The following ERBB4 variants were observed in gnomAD, a reference collection of about 807,000 sequenced individuals.
ERBB4 encodes the protein erb-b2 receptor tyrosine kinase 4.
ERBB4 carries 42 observed loss-of-function variants against 158.0 expected under a neutral mutation model. The ratio of observed to expected loss-of-function variants is 0.27; its 90% CI spans 0.21 to 0.34. The LOEUF (loss-of-function observed/expected upper bound fraction) is 0.34, where lower values mean the gene tolerates loss of function less well. Ranked by LOEUF, ERBB4 falls within the 10% of genes least tolerant of loss-of-function variation. ERBB4 has a pLI of 1.00. For synonymous variants in ERBB4, 583 were observed against 558.7 expected, an observed-to-expected ratio of 1.04 and a Z score of -0.61; for missense variants, 1,333 against 1,624.1, an observed-to-expected ratio of 0.82 and a Z score of 3.08.
In ERBB4 at chr2:212,012,453, G is replaced by T. The variant is rs7602633; in HGVS notation, c.235-64837C>A. ...TTTTTTTTTGACGGAGTCTCATTCTGTCACCCAGGCTGGAGTGCGGTGGCG... is the reference window on the plus strand; with the variant it reads ...TTTTTTTTTGACGGAGTCTCATTCTTTCACCCAGGCTGGAGTGCGGTGGCG... On this transcript the variant is annotated intron_variant, in intron 2 of 27. Coordinates refer to ENST00000342788, the MANE Select transcript of ERBB4 (RefSeq NM_005235.3). 6.9e-3 allele frequency among the ~76,000 whole-genome samples: 907 copies of T among 130,838 alleles called. 9 individuals are homozygous for T. Among genetic ancestry groups the T allele is most frequent in the African/African-American group, 0.026 (866 of 33,884 alleles). The allele number at this position is 130,838 out of a possible 152,430, so 85.8% of individuals were successfully genotyped here. A position where few individuals can be genotyped will look rare whatever the true frequency, so the allele number is the denominator to read the frequency against.
chr2:212,377,892 T>G (rs1560159014), intron 1 of ERBB4, among the ~76,000 whole-genome samples: 1 of 151,980 alleles, frequency 6.6e-6, no homozygotes, highest in South Asian at 2.1e-4. Flanking sequence ...CACAAGCACA[T>G]TGTACAGCTG....
At position 211,623,006 on chromosome 2, in the gene ERBB4, T is replaced by A. The variant is rs1236174532; in HGVS notation, c.2202+916A>T. Among the ~76,000 whole-genome samples the A allele has an allele frequency of 1.3e-3, 33 of 25,680 alleles. 1 individual carries two copies. Among genetic ancestry groups the A allele is most frequent in the African/African-American group, 5.5e-3 (18 of 3,300 alleles). The allele number at this position is 25,680 out of a possible 152,430, so 16.8% of individuals were successfully genotyped here. A position where few individuals can be genotyped will look rare whatever the true frequency, so the allele number is the denominator to read the frequency against. On this transcript the variant is annotated intron_variant, in intron 18 of 27. Coordinates refer to ENST00000342788, the MANE Select transcript of ERBB4 (RefSeq NM_005235.3). ...AAAAAAAAAAATATATATATATATATATATATATATATATATATATATATA... is the reference window on the plus strand; with the variant it reads ...AAAAAAAAAAATATATATATATATAAATATATATATATATATATATATATA...
At chr2:212,106,663 T>C (rs945854686) in intron 2 of ERBB4, among the ~76,000 whole-genome samples, 1 of 152,236 alleles carries the variant, frequency 6.6e-6, no homozygotes, top group African/African-American at 2.4e-5. Context: ...CCAGGGCATG[T>C]CAGAGACCTT....
chr2:211,917,196 G>A (rs774574524), intron 3 of ERBB4, among the ~76,000 whole-genome samples: 8 of 152,108 alleles, frequency 5.3e-5, no homozygotes, highest in Non-Finnish European at 1.0e-4. Context: ...CTTCATACAC[G>A]TGTTCTATTT....
rs529137073 is a variant in ERBB4 at position 212,427,432 on chromosome 2, G to A, written c.82+111017C>T. 4.6e-5 allele frequency among the ~76,000 whole-genome samples: 7 copies of A among 152,026 alleles called. No homozygotes were observed. The East Asian group carries it at 5.8e-4, about 13-fold the overall frequency. ...CTTTCTCTACTGTATATTCTGCCTC[G>A]AACCTATTCTTACAGCACCTTCAAA... On this transcript the variant is annotated intron_variant, in intron 1 of 27. Transcript: ENST00000342788.
At chr2:212,037,934 A>C (rs1031056684) in intron 2 of ERBB4, among the ~76,000 whole-genome samples, 1 of 152,196 alleles carries the variant, frequency 6.6e-6, no homozygotes, top group Non-Finnish European at 1.5e-5. Flanking sequence ...AATGATTCTT[A>C]GAATCTCAGG....
intron 2 of ERBB4, among the ~76,000 whole-genome samples, chr2:212,006,108 A>G (rs2125294659): frequency 6.6e-6 from 1 of 152,332 alleles, no homozygotes; most frequent in East Asian, 1.9e-4. Context: ...AAAAATGTTC[A>G]CCTAACCAAT....
intron 3 of ERBB4, among the ~76,000 whole-genome samples, chr2:211,922,836 G>A (rs1163728653): frequency 6.6e-6 from 1 of 152,018 alleles, no homozygotes; most frequent in Middle Eastern, 3.2e-3. Context: ...AAAGTTAGTA[G>A]GAAAGTATTT....
intron 25 of ERBB4, among the ~76,000 whole-genome samples, chr2:211,417,893 T>G (rs2063428184): frequency 6.6e-6 from 1 of 152,144 alleles, no homozygotes; most frequent in African/African-American, 2.4e-5. Flanking sequence ...ATTCTAAAAG[T>G]AGAGTAATAA....
At chr2:211,562,835 G>A (rs1382885870) in intron 19 of ERBB4, among the ~76,000 whole-genome samples, 1 of 144,786 alleles carries the variant, frequency 6.9e-6, no homozygotes, top group Non-Finnish European at 1.5e-5. Flanking sequence ...GCAGTGGCGG[G>A]ATCTCGGCTC....
chr2:211,954,865 GA>G (rs1559179014), intron 2 of ERBB4, among the ~76,000 whole-genome samples: 1 of 152,026 alleles, frequency 6.6e-6, no homozygotes, highest in South Asian at 2.1e-4. Flanking sequence ...GACATAGCAT[GA>G]AAAAGTTTAC....
intron 1 of ERBB4, among the ~76,000 whole-genome samples, chr2:212,144,524 C>T (rs184780804): frequency 1.2e-3 from 183 of 152,238 alleles, no homozygotes; most frequent in Middle Eastern, 3.4e-3. Context: ...AATTAATATC[C>T]ACCATTATCC....
intron 1 of ERBB4, among the ~76,000 whole-genome samples, chr2:212,248,675 T>C (rs1459294364): frequency 2.0e-5 from 3 of 152,088 alleles, no homozygotes; most frequent in Non-Finnish European, 4.4e-5. Context: ...AAGTAAGATA[T>C]ATGTAGAAAG....
At position 211,437,814 on chromosome 2, in the gene ERBB4, C is replaced by T. The variant is rs77875014; in HGVS notation, c.2488-6714G>A. 5.0e-3 allele frequency among the ~76,000 whole-genome samples: 759 copies of T among 152,132 alleles called. 10 individuals carry two copies. The highest frequency in any genetic ancestry group is 0.017 in the African/African-American group (721 of 41,484). ...CGTAATAACAGGAAGCTTCAGGAAA[C>T]CTAATTTCAAATGAAAATATCTCCT... On this transcript the variant is annotated intron_variant, in intron 20 of 27. Transcript: ENST00000342788.
intron 3 of ERBB4, among the ~76,000 whole-genome samples, chr2:211,865,065 T>G (rs1279725841): frequency 6.6e-6 from 1 of 152,060 alleles, no homozygotes; most frequent in Admixed American, 6.6e-5. Flanking sequence ...GAAGTGGTCC[T>G]TCATAAAAGG....
rs1484424078 is a variant in ERBB4, at chr2:212,156,227, G to C, written c.83-31324C>G. On this transcript the variant is annotated intron_variant, in intron 1 of 27. Coordinates refer to ENST00000342788, the MANE Select transcript of ERBB4 (RefSeq NM_005235.3). ...CATATATGTGGGAGCGTAAAGAAAA[G>C]TGGCTTATAAAATTCCAATGTGTTT... Among the ~76,000 whole-genome samples the C allele has an allele frequency of 3.9e-5, 6 of 152,080 alleles. No homozygotes were observed. In the South Asian group the frequency reaches 1.0e-3, roughly 26 times the overall value.
chr2:211,482,782 G>C (rs951893857), intron 20 of ERBB4, among the ~76,000 whole-genome samples: 4 of 152,138 alleles, frequency 2.6e-5, no homozygotes, highest in Non-Finnish European at 5.9e-5. Context: ...GCACATGTCT[G>C]TAATCCCAGC....
chr2:211,722,394 T>C lies in ERBB4; in HGVS notation c.882A>G (p.Pro294=), dbSNP rs77309171. 4.4e-3 allele frequency: 7,117 copies of C among 1,612,372 alleles called. 28 individuals are homozygous for C. Among genetic ancestry groups the C allele is most frequent in the Middle Eastern group, 0.014 (83 of 6,056 alleles). ...TYGAFCVKKC[P]HNFVVDSSSC... Reference sequence around the variant, plus strand: ...GGTTATTCTTATTCTGTTACTTACGTGGACATTTCTTGACACAGAATGCTC... The same window carrying C: ...GGTTATTCTTATTCTGTTACTTACGCGGACATTTCTTGACACAGAATGCTC... Residue 294 remains proline, a splice_region_variant and synonymous_variant, in exon 7 of 28, where the codon CCA becomes CCG. Coordinates refer to ENST00000342788, the MANE Select transcript of ERBB4 (RefSeq NM_005235.3).
chr2:212,278,933 T>C (rs1223371122), intron 1 of ERBB4, among the ~76,000 whole-genome samples: 1 of 151,604 alleles, frequency 6.6e-6, no homozygotes, highest in Non-Finnish European at 1.5e-5. Context: ...AAGTATATAA[T>C]GGTACTTCAG....
Sources: gnomAD v4.1 joint callset for allele counts (sites outside exome capture counted in the v4.1 genomes callset) on GRCh38, gnomAD v4.1.1 for gene constraint, MANE v1.5 for transcripts, NCBI Gene and HGNC (gene_info 2026-07-23, HGNC 2026-07-21) for gene names.